METTL5: variants seen among roughly 807,000 people sequenced by gnomAD.
METTL5 encodes rRNA N(6)-adenosine-methyltransferase METTL5.
METTL5 carries 28 observed loss-of-function variants against 26.5 expected under a neutral mutation model. The observed-to-expected ratio is 1.06, with a 90% confidence interval of 0.78 to 1.45. METTL5 has a LOEUF of 1.45. Among genes scored for constraint, METTL5 ranks in the 40% most tolerant of loss-of-function variants. The pLI, the probability that METTL5 is intolerant of heterozygous loss-of-function variation, is 0.00. For missense variants in METTL5, 231 were observed against 249.9 expected (o/e 0.92, Z 0.51); for synonymous variants, 86 against 82.6 (o/e 1.04, Z -0.22).
At chr2:169,813,967 C>T (rs561892070) in intron 5 of METTL5, among the ~76,000 whole-genome samples, 6 of 152,252 alleles carry the variant, frequency 3.9e-5, no homozygotes, top group African/African-American at 1.4e-4. Context: ...GTATGTTTAA[C>T]ACTACAGTGG....
chr2:169,822,805 T>C (rs996793395), intron 1 of METTL5, among the ~76,000 whole-genome samples: 3 of 152,114 alleles, frequency 2.0e-5, no homozygotes, highest in Non-Finnish European at 2.9e-5. Flanking sequence ...TTTAGACACA[T>C]ATACTCATGA....
chr2:169,824,671 G>T lies in METTL5; in HGVS notation c.-74C>A, dbSNP rs1390765783. 2 of 1,200,612 alleles carry T rather than the reference G, an allele frequency of 1.7e-6. No individual in the cohort carries two copies. Among genetic ancestry groups the T allele is most frequent in the Non-Finnish European group, 2.5e-6 (2 of 805,428 alleles). 74.4% of individuals were successfully genotyped at this position (1,200,612 alleles called of 1,614,324 possible). A position where few individuals can be genotyped will look rare whatever the true frequency, so the allele number is the denominator to read the frequency against. ...GAGAAATCTATTGAACTGGGATCTT[G>T]TTTCCTCCCTACCCCCAACCTTCTC... On this transcript the variant is annotated 5_prime_UTR_variant, in exon 1 of 7. Coordinates refer to ENST00000260953, the MANE Select transcript of METTL5 (RefSeq NM_014168.4).
chr2:169,819,385 T>A (rs1485682422), intron 4 of METTL5, among the ~76,000 whole-genome samples, 176 bp downstream of exon 4: 1 of 152,188 alleles, frequency 6.6e-6, no homozygotes, highest in Non-Finnish European at 1.5e-5. Flanking sequence ...ATAAGTCTTA[T>A]AGCCTGGAAA....
intron 5 of METTL5, chr2:169,812,815 AAT>A (rs1178905744): frequency 4.4e-6 from 1 of 225,982 alleles, no homozygotes; most frequent in Non-Finnish European, 8.5e-6. Context: ...TTAATTTCCT[AAT>A]AGTCTATAGC....
chr2:169,815,156 G>C (rs1056281448), intron 5 of METTL5, among the ~76,000 whole-genome samples: 6 of 152,064 alleles, frequency 3.9e-5, no homozygotes, highest in Non-Finnish European at 7.4e-5. Context: ...GCCTCCCAAA[G>C]TGCTAGGATT....
intron 1 of METTL5, among the ~76,000 whole-genome samples, chr2:169,822,347 C>T (rs1015253767): frequency 7.9e-5 from 12 of 152,084 alleles, no homozygotes; most frequent in East Asian, 1.9e-4. Context: ...AAAGTCAAAA[C>T]GTTTAGTTTT....
At chr2:169,815,413 G>A (rs1325673469) in intron 5 of METTL5, 64 bp downstream of exon 5, 2 of 1,188,164 alleles carry the variant, frequency 1.7e-6, no homozygotes, top group Admixed American at 4.0e-5. Context: ...GCACCTGCAT[G>A]AAAATTTTGG....
chr2:169,816,959 G>A (rs533720401), intron 4 of METTL5, among the ~76,000 whole-genome samples: 6 of 152,258 alleles, frequency 3.9e-5, no homozygotes, highest in African/African-American at 1.4e-4. Context: ...AAACTAAAGA[G>A]CTTCTGCACA....
At chr2:169,820,468 A>G (rs1313181534) in intron 3 of METTL5, among the ~76,000 whole-genome samples, 1 of 152,224 alleles carries the variant, frequency 6.6e-6, no homozygotes, top group African/African-American at 2.4e-5. Context: ...TATTCCTGAA[A>G]GCAAATGGGA....
chr2:169,812,401 C>T lies in METTL5; in HGVS notation c.591+56G>A, dbSNP rs746044263. On this transcript the variant is annotated intron_variant, in intron 6 of 6. Transcript: ENST00000260953. ...GATTACAGGCATGAACCACCACATCCGGCCCAGAAAGCTTTTCAATACCGA... is the reference window on the plus strand; with the variant it reads ...GATTACAGGCATGAACCACCACATCTGGCCCAGAAAGCTTTTCAATACCGA... 4.5e-5 allele frequency: 73 copies of T among 1,613,066 alleles called. 1 individual carries two copies. In the East Asian group the frequency reaches 5.8e-4, roughly 13 times the overall value.
intron 1 of METTL5, among the ~76,000 whole-genome samples, chr2:169,823,564 A>T (rs1311645963): frequency 6.6e-6 from 1 of 152,224 alleles, no homozygotes; most frequent in Non-Finnish European, 1.5e-5. Flanking sequence ...TCATGCCTGT[A>T]ATCTCAGCAC....
At chr2:169,822,096 G>A (rs765053267) in intron 1 of METTL5, 39 bp from the exon 2 acceptor site, 3 of 1,573,028 alleles carry the variant, frequency 1.9e-6, no homozygotes, top group Non-Finnish European at 2.6e-6. Context: ...AAGCAAGCCG[G>A]TGACTAAAAT....
intron 5 of METTL5, among the ~76,000 whole-genome samples, chr2:169,814,871 G>A (rs1053165813): frequency 6.6e-6 from 1 of 151,100 alleles, no homozygotes; most frequent in Admixed American, 6.6e-5. Flanking sequence ...TACCGCGCCC[G>A]GCCCACTTTT....
rs1166156771 is a variant in METTL5 at position 169,824,231 on chromosome 2, A to C, written c.109+258T>G. Reference sequence around the variant, plus strand: ...TGTCCTCAGAGATTGTAATGTGAGAAGAGAAAAAAACACATTAAAAAGATG... The same window carrying C: ...TGTCCTCAGAGATTGTAATGTGAGACGAGAAAAAAACACATTAAAAAGATG... On this transcript the variant is annotated intron_variant, in intron 1 of 6. Transcript: ENST00000260953. 1.4e-5 allele frequency: 5 copies of C among 357,202 alleles called. No homozygotes were observed. In the East Asian group the frequency reaches 2.4e-4, roughly 17 times the overall value. 22.1% of individuals were successfully genotyped at this position (357,202 alleles called of 1,614,324 possible). A position where few individuals can be genotyped will look rare whatever the true frequency, so the allele number is the denominator to read the frequency against.
At chr2:169,813,925 CA>C (rs1435580716) in intron 5 of METTL5, among the ~76,000 whole-genome samples, 1 of 151,946 alleles carries the variant, frequency 6.6e-6, no homozygotes, top group Non-Finnish European at 1.5e-5. Context: ...GTGTATATTA[CA>C]TTATTATTAT....
chr2:169,813,191 G>T (rs182060513), intron 5 of METTL5: 3 of 149,904 alleles, frequency 2.0e-5, no homozygotes, highest in East Asian at 2.0e-4. Flanking sequence ...GCAGTGGCGC[G>T]ATCTGGGCTC....
rs1435506767 is a variant in METTL5, at chr2:169,824,739, G to T, written c.-142C>A. ...GGCCGGACCCGAAGACGCGCCCTAAGGAGACGCCCGGACGCAGGGCACGGG... is the reference window on the plus strand; with the variant it reads ...GGCCGGACCCGAAGACGCGCCCTAATGAGACGCCCGGACGCAGGGCACGGG... On this transcript the variant is annotated 5_prime_UTR_variant, in exon 1 of 7. Coordinates refer to ENST00000260953, the MANE Select transcript of METTL5 (RefSeq NM_014168.4). The T allele has an allele frequency of 4.6e-6, 3 of 649,644 alleles. No individual in the cohort carries two copies. The highest frequency in any genetic ancestry group is 5.6e-5 in the East Asian group (2 of 35,696). 40.2% of individuals were successfully genotyped at this position (649,644 alleles called of 1,614,324 possible). A position where few individuals can be genotyped will look rare whatever the true frequency, so the allele number is the denominator to read the frequency against.
intron 2 of METTL5, 72 bp from the exon 3 acceptor site, chr2:169,821,345 G>GT (rs34089373): frequency 0.54 from 448,927 of 831,388 alleles, 102,075 homozygotes; most frequent in Admixed American, 0.63. Flanking sequence ...AAAATTAGCT[G>GT]TTTTTTTTTT....
chr2:169,824,568 C>T lies in METTL5; in HGVS notation c.30G>A (p.Glu10=), dbSNP rs1472881611. ...ATCCATCCACTTGTTGCAGGCGACT[C>T]TCTAGTTCCTTAAGCCTTACTTTCT... MKKVRLKEL[E]SRLQQVDGFE... Residue 10 remains glutamate (E), a synonymous_variant, in exon 1 of 7, where the codon GAG becomes GAA. Coordinates refer to ENST00000260953, the MANE Select transcript of METTL5 (RefSeq NM_014168.4). The T allele has an allele frequency of 6.2e-7, 1 of 1,614,062 alleles. No homozygotes were observed. The highest frequency in any genetic ancestry group is 8.5e-7 in the Non-Finnish European group (1 of 1,179,996).
Sources: gnomAD v4.1 joint callset for allele counts (sites outside exome capture counted in the v4.1 genomes callset) on GRCh38, gnomAD v4.1.1 for gene constraint, MANE v1.5 for transcripts, NCBI Gene and HGNC (gene_info 2026-07-23, HGNC 2026-07-21) for gene names.